The following COG6 variants were observed in gnomAD, a reference collection of about 807,000 sequenced individuals.
COG6 encodes conserved oligomeric Golgi complex subunit 6.
A neutral mutation model predicts 88.8 loss-of-function variants in COG6; 74 were observed. The ratio of observed to expected loss-of-function variants is 0.83; its 90% CI spans 0.69 to 1.01. The LOEUF (loss-of-function observed/expected upper bound fraction) is 1.01, where lower values mean the gene tolerates loss of function less well. Ranked by LOEUF, COG6 falls within the 50% of genes least tolerant of loss-of-function variation. The pLI is 0.00. For missense variants in COG6, 800 were observed against 797.9 expected, an observed-to-expected ratio of 1.00 and a Z score of -0.03; for synonymous variants, 286 against 278.7, an observed-to-expected ratio of 1.03 and a Z score of -0.26.
At chr13:39,694,503 T>C in intron 11 of COG6, 131 bp from the exon 12 acceptor site, 1 of 575,052 alleles carries the variant, frequency 1.7e-6, no homozygotes, top group Admixed American at 2.9e-5. Flanking sequence ...TCAGAAATTA[T>C]TTAGGAGGCA....
In COG6 at chr13:39,739,846, G is replaced by A. The variant is rs374703550; in HGVS notation, c.1827-11100G>A. 7.5e-4 allele frequency among the ~76,000 whole-genome samples: 114 copies of A among 152,124 alleles called. 1 individual carries two copies. The South Asian group carries it at 0.021, about 28-fold the overall frequency. ...TTAATAAAACTTATTAATTTTAAAT[G>A]TCTGTACCAAAAACAAAAAAGGCAA... On this transcript the variant is annotated intron_variant, in intron 18 of 18. Coordinates refer to ENST00000455146, the MANE Select transcript of COG6 (RefSeq NM_020751.3).
In COG6 at chr13:39,752,375, T is replaced by C; in HGVS notation, c.*1282T>C. 1.0e-6 allele frequency: 1 copy of C among 957,264 alleles called. No individual in the cohort carries two copies. The allele number at this position is 957,264 out of a possible 1,614,324, so 59.3% of individuals were successfully genotyped here. A position where few individuals can be genotyped will look rare whatever the true frequency, so the allele number is the denominator to read the frequency against. Reference sequence around the variant, plus strand: ...TAATTGTTTATACCTAATACAGTTCTTTTTGGAGTAAGAATGATTATATAA... The same window carrying C: ...TAATTGTTTATACCTAATACAGTTCCTTTTGGAGTAAGAATGATTATATAA... On this transcript the variant is annotated 3_prime_UTR_variant, in exon 19 of 19. Coordinates refer to ENST00000455146, the MANE Select transcript of COG6 (RefSeq NM_020751.3).
At position 39,765,868 on chromosome 13, in the gene COG6, A is replaced by G. The variant is rs75531438; in HGVS notation, c.1827-22467A>G. Among the ~76,000 whole-genome samples, 513 of 152,348 alleles carry G rather than the reference A, an allele frequency of 3.4e-3. 2 individuals carry two copies. The highest frequency in any genetic ancestry group is 0.012 in the African/African-American group (488 of 41,572). ...GTGCAGATACTTACTGAGTGTAATG[A>G]AGGAATTACTCTCTAACCGAGCACA... On this transcript the variant is annotated intron_variant, in intron 18 of 18. Coordinates refer to the COG6 transcript ENST00000416691.
intron 3 of COG6, 136 bp from the exon 4 acceptor site, chr13:39,664,960 T>A: frequency 1.6e-6 from 1 of 628,292 alleles, no homozygotes; most frequent in Non-Finnish European, 2.9e-6. Flanking sequence ...TCTACGTATT[T>A]CATTTTATTG....
intron 13 of COG6, among the ~76,000 whole-genome samples, chr13:39,702,053 A>G (rs1483161939): frequency 6.6e-6 from 1 of 152,070 alleles, no homozygotes; most frequent in African/African-American, 2.4e-5. Context: ...TAAAACTTAG[A>G]GAGTACCATG....
intron 4 of COG6, among the ~76,000 whole-genome samples, chr13:39,667,599 A>G (rs1157320290): frequency 6.6e-6 from 1 of 152,212 alleles, no homozygotes; most frequent in African/African-American, 2.4e-5. Context: ...TCTTCAATCC[A>G]ATCCTTTTGT....
At chr13:39,663,430 A>G (rs894422268) in intron 3 of COG6, among the ~76,000 whole-genome samples, 37 of 152,332 alleles carry the variant, frequency 2.4e-4, no homozygotes, top group African/African-American at 8.9e-4. Context: ...AAATGTAAAC[A>G]TATCTTTGAC....
intron 11 of COG6, among the ~76,000 whole-genome samples, chr13:39,694,082 G>T (rs188348213): frequency 6.6e-6 from 1 of 151,832 alleles, no homozygotes; most frequent in East Asian, 1.9e-4. Context: ...AAATCTTGAG[G>T]CAAATCAAAT....
At chr13:39,731,177 C>G (rs1454671667) in intron 18 of COG6, among the ~76,000 whole-genome samples, 3 of 152,212 alleles carry the variant, frequency 2.0e-5, no homozygotes, top group South Asian at 4.2e-4. Flanking sequence ...TTCCTGTTCT[C>G]TTCTCCTGAA....
chr13:39,770,274 A>G (rs895388042), intron 18 of COG6, among the ~76,000 whole-genome samples: 1 of 152,182 alleles, frequency 6.6e-6, no homozygotes, highest in African/African-American at 2.4e-5. Context: ...CACATGCCAC[A>G]CAAAGACTCC....
At chr13:39,767,108 A>C (rs1881187777) in intron 18 of COG6, among the ~76,000 whole-genome samples, 1 of 152,018 alleles carries the variant, frequency 6.6e-6, no homozygotes, top group South Asian at 2.1e-4. Flanking sequence ...TGTTTCCTTC[A>C]TCTCCTTGCC....
chr13:39,683,923 C>T (rs1012659574), intron 8 of COG6, among the ~76,000 whole-genome samples: 2 of 152,086 alleles, frequency 1.3e-5, no homozygotes, highest in African/African-American at 4.8e-5. Flanking sequence ...AGTCCGTGTA[C>T]CTTTATAAGC....
In COG6 at chr13:39,748,115, C is replaced by T. The variant is rs1593471097; in HGVS notation, c.1827-2831C>T. On this transcript the variant is annotated intron_variant, in intron 18 of 18. Transcript: ENST00000455146. ...CACTTCTCAGAAATCTATGTTATTG[C>T]GCTTAGAAAAGAACTAAGAACACTG... 3.9e-5 allele frequency among the ~76,000 whole-genome samples: 6 copies of T among 152,164 alleles called. No homozygotes were observed. In the South Asian group the frequency reaches 1.2e-3, roughly 32 times the overall value.
chr13:39,695,188 A>G (rs1335665611), intron 12 of COG6, among the ~76,000 whole-genome samples: 1 of 151,804 alleles, frequency 6.6e-6, no homozygotes, highest in African/African-American at 2.4e-5. Context: ...TCTATTCTGG[A>G]TGTAAATAAC....
rs1174156251 is a variant in COG6 at position 39,751,152 on chromosome 13, T to A, written c.*59T>A. 6.3e-7 allele frequency: 1 copy of A among 1,597,732 alleles called. No individual in the cohort carries two copies. The highest frequency in any genetic ancestry group is 8.5e-7 in the Non-Finnish European group (1 of 1,170,608). ...CTCCCTAAAACACTGAAGGTTATTT[T>A]TTATTCTTTGAATTTTTACTCTATA... On this transcript the variant is annotated 3_prime_UTR_variant, in exon 19 of 19. Coordinates refer to ENST00000455146, the MANE Select transcript of COG6 (RefSeq NM_020751.3).
At chr13:39,697,159 G>A (rs1374330290) in intron 12 of COG6, among the ~76,000 whole-genome samples, 1 of 151,464 alleles carries the variant, frequency 6.6e-6, no homozygotes, top group African/African-American at 2.4e-5. Flanking sequence ...GAGATTTTGA[G>A]TGATCAAATA....
intron 16 of COG6, among the ~76,000 whole-genome samples, chr13:39,723,862 ATCT>A (rs1566196691): frequency 1.3e-5 from 2 of 152,072 alleles, no homozygotes; most frequent in Admixed American, 6.6e-5. Flanking sequence ...AATAGCAGTC[ATCT>A]TCTTTTTAAT....
Position 39,709,045 on chromosome 13 carries a change from C to T in COG6, c.1284+9427C>T, listed in dbSNP as rs543764997. ...AAGGAGAAATCCTGGGCTTTGGAGT[C>T]TGATAGAGCTGTACTCAAATTCTAA... On this transcript the variant is annotated intron_variant, in intron 13 of 18. Coordinates refer to ENST00000455146, the MANE Select transcript of COG6 (RefSeq NM_020751.3). Among the ~76,000 whole-genome samples the T allele has an allele frequency of 2.6e-5, 4 of 152,194 alleles. No homozygotes were observed. The East Asian group carries it at 7.7e-4, about 29-fold the overall frequency.
Position 39,691,132 on chromosome 13 carries a change from A to G in COG6, c.1074+1308A>G, listed in dbSNP as rs150131340. Reference sequence around the variant, plus strand: ...ATTTTTGTGGGTACATAGTAGGTGTATGCTTTTCCTTTTCTTTTTAAAAAG... The same window carrying G: ...ATTTTTGTGGGTACATAGTAGGTGTGTGCTTTTCCTTTTCTTTTTAAAAAG... On this transcript the variant is annotated intron_variant, in intron 11 of 18. Coordinates refer to ENST00000455146, the MANE Select transcript of COG6 (RefSeq NM_020751.3). Among the ~76,000 whole-genome samples, 91 of 151,808 alleles carry G rather than the reference A, an allele frequency of 6.0e-4. 1 individual carries two copies. In the East Asian group the frequency reaches 0.016, roughly 27 times the overall value.
Sources: allele counts gnomAD v4.1 joint callset (sites outside exome capture counted in the v4.1 genomes callset), GRCh38; gene constraint gnomAD v4.1.1; transcripts MANE v1.5; gene names NCBI Gene and HGNC (gene_info 2026-07-23, HGNC 2026-07-21).